The following JAKMIP2 variants were observed in gnomAD, a reference collection of about 807,000 sequenced individuals.
JAKMIP2 encodes janus kinase and microtubule-interacting protein 2.
In JAKMIP2, 25 loss-of-function variants were observed where a neutral mutation model predicts 115.0. The observed-to-expected ratio is 0.22, with a 90% CI of 0.16 to 0.30. JAKMIP2 has a LOEUF of 0.30. Ranked by LOEUF, JAKMIP2 falls within the 10% of genes least tolerant of loss-of-function variation. JAKMIP2 has a pLI of 1.00. For missense variants in JAKMIP2, 642 were observed against 957.6 expected, an observed-to-expected ratio of 0.67 and a Z score of 4.35; for synonymous variants, 334 against 343.6, an observed-to-expected ratio of 0.97 and a Z score of 0.31.
chr5:147,727,357 A>G (rs1359754552), intron 1 of JAKMIP2, among the ~76,000 whole-genome samples: 1 of 152,236 alleles, frequency 6.6e-6, no homozygotes, highest in Non-Finnish European at 1.5e-5. Flanking sequence ...ACACTGATAT[A>G]AAGAACTTCC....
intron 1 of JAKMIP2, among the ~76,000 whole-genome samples, chr5:147,708,650 T>C (rs892574946): frequency 6.6e-5 from 10 of 152,234 alleles, no homozygotes; most frequent in African/African-American, 2.2e-4. Flanking sequence ...ATTTCAATGT[T>C]CCTGAAATCG....
intron 1 of JAKMIP2, among the ~76,000 whole-genome samples, chr5:147,720,618 T>G (rs1270744571): frequency 1.3e-5 from 2 of 152,118 alleles, no homozygotes; most frequent in Non-Finnish European, 2.9e-5. Flanking sequence ...ATCGCTGATA[T>G]CCTTTCTTCC....
intron 1 of JAKMIP2, among the ~76,000 whole-genome samples, chr5:147,677,472 A>T (rs1760032186): frequency 6.6e-6 from 1 of 152,194 alleles, no homozygotes; most frequent in African/African-American, 2.4e-5. Context: ...AGCCACTGAG[A>T]GAAGAGGAGT....
chr5:147,686,957 T>A (rs1760599912), intron 1 of JAKMIP2, among the ~76,000 whole-genome samples: 1 of 152,208 alleles, frequency 6.6e-6, no homozygotes, highest in Non-Finnish European at 1.5e-5. Context: ...CCAGGGCTCA[T>A]AATTTTTTCT....
chr5:147,609,671 G>A (rs1409264231), intron 20 of JAKMIP2, among the ~76,000 whole-genome samples: 6 of 151,968 alleles, frequency 3.9e-5, no homozygotes, highest in Admixed American at 3.3e-4. Context: ...TGCTCTTCTC[G>A]AGGAGTATCT....
intron 1 of JAKMIP2, among the ~76,000 whole-genome samples, chr5:147,759,781 A>T (rs1042707996): frequency 1.3e-5 from 2 of 152,130 alleles, no homozygotes; most frequent in African/African-American, 4.8e-5. Context: ...GAGTCTGCAA[A>T]GTCAATTCGT....
intron 2 of JAKMIP2, among the ~76,000 whole-genome samples, chr5:147,662,755 C>T (rs935862020): frequency 3.9e-5 from 6 of 152,018 alleles, no homozygotes; most frequent in Non-Finnish European, 7.4e-5. Flanking sequence ...GAGGCCGAGG[C>T]GGATGGATCA....
Position 147,660,718 on chromosome 5 carries a change from G to T in JAKMIP2, c.627+230C>A, listed in dbSNP as rs1758912386. ...TGGAGAATCCAGTTTTTATGAGAAA[G>T]GTGATTTCCAAAATCTCTTACACTT... On this transcript the variant is annotated intron_variant, in intron 3 of 21. Coordinates refer to ENST00000616793, the MANE Select transcript of JAKMIP2 (RefSeq NM_001270941.2). 9 of 530,502 alleles carry T rather than the reference G, an allele frequency of 1.7e-5. No individual in the cohort carries two copies. The East Asian group carries it at 2.6e-4, about 16-fold the overall frequency. The allele number at this position is 530,502 out of a possible 1,614,324, so 32.9% of individuals were successfully genotyped here.
chr5:147,594,392 T>C (rs1345608919), intron 21 of JAKMIP2: 1 of 454,208 alleles, frequency 2.2e-6, no homozygotes, highest in Non-Finnish European at 4.4e-6. Context: ...TGGAGTACAG[T>C]GGTGCAATCT....
chr5:147,718,694 T>G (rs1753124179), intron 1 of JAKMIP2, among the ~76,000 whole-genome samples: 2 of 152,200 alleles, frequency 1.3e-5, no homozygotes, highest in African/African-American at 4.8e-5. Context: ...GGTCGTGATA[T>G]CCCCTTTAGC....
Position 147,645,965 on chromosome 5 carries a change from G to T in JAKMIP2, c.937-969C>A, listed in dbSNP as rs923757299. Reference sequence around the variant, plus strand: ...TTTCATGATCATCCTATACATTATAGATTTTCATTTTCAGCTTCTCATGAT... The same window carrying T: ...TTTCATGATCATCCTATACATTATATATTTTCATTTTCAGCTTCTCATGAT... On this transcript the variant is annotated intron_variant, in intron 5 of 21. Transcript: ENST00000616793. 4.6e-5 allele frequency among the ~76,000 whole-genome samples: 7 copies of T among 152,054 alleles called. No homozygotes were observed. In the South Asian group the frequency reaches 1.5e-3, roughly 32 times the overall value.
Position 147,644,890 on chromosome 5 carries a change from T to A in JAKMIP2, c.1043A>T (p.Glu348Val). Residue 348 changes from glutamate to valine, a missense_variant, in exon 6 of 22, where the codon GAA becomes GTA. Around this residue, in one of 6 missense-constraint regions of JAKMIP2, gnomAD observed 439 missense variants for 570.9 expected, o/e 0.77. Coordinates refer to ENST00000616793, the MANE Select transcript of JAKMIP2 (RefSeq NM_001270941.2). ...CTTGGTAACGGCTTTTAGTTTTTCTTCCATGCGCTGCAAGGACACCATCAG... is the reference window on the plus strand; with the variant it reads ...CTTGGTAACGGCTTTTAGTTTTTCTACCATGCGCTGCAAGGACACCATCAG... ...DELMVSLQRM[E>V]EKLKAVTKEN... 6.2e-7 allele frequency: 1 copy of A among 1,613,946 alleles called. No homozygotes were observed. The highest frequency in any genetic ancestry group is 8.5e-7 in the Non-Finnish European group (1 of 1,179,908).
In JAKMIP2 at chr5:147,661,325, C is replaced by A; in HGVS notation, c.250G>T (p.Glu84Ter). The change falls in exon 3 of 22, where the codon GAG becomes TAG. Residue 84 changes from glutamate to a stop codon, truncating the protein, a stop_gained. Coordinates refer to ENST00000616793, the MANE Select transcript of JAKMIP2 (RefSeq NM_001270941.2). LOFTEE classifies it high-confidence loss of function. ...KAKLHEEKMK[E>*]LQAVRENLIK... ...AGGTTCTCCCTCACAGCCTGCAGCT[C>A]CTTCATCTTCTCCTCATGGAGCTTG... The A allele has an allele frequency of 6.2e-7, 1 of 1,614,042 alleles. No individual in the cohort carries two copies. The highest frequency in any genetic ancestry group is 8.5e-7 in the Non-Finnish European group (1 of 1,180,020).
chr5:147,741,148 G>A (rs1021783383), intron 1 of JAKMIP2, among the ~76,000 whole-genome samples: 2 of 152,066 alleles, frequency 1.3e-5, no homozygotes, highest in African/African-American at 4.8e-5. Flanking sequence ...GGTAAATTAG[G>A]TGTTAGGATA....
chr5:147,625,218 C>A (rs1358789184), intron 16 of JAKMIP2, among the ~76,000 whole-genome samples: 1 of 152,052 alleles, frequency 6.6e-6, no homozygotes. Context: ...TGAGCTCAGG[C>A]AATCCAGCCA....
intron 19 of JAKMIP2, among the ~76,000 whole-genome samples, chr5:147,614,836 T>C (rs1756493662): frequency 6.6e-6 from 1 of 152,206 alleles, no homozygotes; most frequent in Non-Finnish European, 1.5e-5. Context: ...CTCTGTTCCT[T>C]GACTATTCCA....
intron 1 of JAKMIP2, among the ~76,000 whole-genome samples, chr5:147,713,387 A>G (rs1409754262): frequency 6.6e-6 from 1 of 152,186 alleles, no homozygotes; most frequent in Non-Finnish European, 1.5e-5. Flanking sequence ...AACATTCACT[A>G]TATACCAGGT....
intron 1 of JAKMIP2, among the ~76,000 whole-genome samples, chr5:147,755,425 G>T (rs1754710539): frequency 6.6e-6 from 1 of 152,190 alleles, no homozygotes; most frequent in African/African-American, 2.4e-5. Context: ...TCCTGAGGCT[G>T]TGTCACGGGC....
At chr5:147,765,036 GA>G (rs1755104926) in intron 1 of JAKMIP2, among the ~76,000 whole-genome samples, 3 of 136,798 alleles carry the variant, frequency 2.2e-5, no homozygotes, top group African/African-American at 5.5e-5. Flanking sequence ...GAGAGAGAAA[GA>G]AAGAAAGAGA....
Sources: gnomAD v4.1 joint callset for allele counts (sites outside exome capture counted in the v4.1 genomes callset) on GRCh38, gnomAD v4.1.1 for gene constraint, gnomAD v4.1.1 regional missense constraint, MANE v1.5 for transcripts, NCBI Gene and HGNC (gene_info 2026-07-23, HGNC 2026-07-21) for gene names.